Variants in FBXL7 observed in about 807,000 individuals in gnomAD.
The protein encoded by FBXL7 is F-box and leucine rich repeat protein 7.
In FBXL7, 12 loss-of-function variants were observed where a neutral mutation model predicts 38.3. That is an observed-to-expected ratio of 0.31 (90% CI 0.20 to 0.51). FBXL7 has a LOEUF of 0.51. Ranked by LOEUF, FBXL7 falls within the 20% of genes least tolerant of loss-of-function variation. The probability of loss-of-function intolerance (pLI) is 0.98; values close to 1 mark genes in which losing one functional copy is unlikely to be tolerated. For missense variants in FBXL7, 567 were observed against 676.4 expected (o/e 0.84, Z 1.79); for synonymous variants, 297 against 300.9 (o/e 0.99, Z 0.13).
intron 2 of FBXL7, among the ~76,000 whole-genome samples, chr5:15,805,413 G>T (rs1737682702): frequency 6.6e-6 from 1 of 152,102 alleles, no homozygotes; most frequent in African/African-American, 2.4e-5. Context: ...TTTAAATTGG[G>T]TTAACTGTGA....
intron 2 of FBXL7, among the ~76,000 whole-genome samples, chr5:15,867,163 C>T (rs1162772783): frequency 6.6e-6 from 1 of 152,134 alleles, no homozygotes; most frequent in Non-Finnish European, 1.5e-5. Context: ...ACTAAAGTCC[C>T]CTGTTCTCTC....
intron 3 of FBXL7, among the ~76,000 whole-genome samples, chr5:15,931,859 T>C (rs1283042916): frequency 6.6e-6 from 1 of 152,144 alleles, no homozygotes; most frequent in Admixed American, 6.5e-5. Flanking sequence ...TTTTCATTGC[T>C]TAAACTCCAG....
intron 2 of FBXL7, among the ~76,000 whole-genome samples, chr5:15,749,637 G>T (rs1455536381): frequency 2.0e-5 from 3 of 152,032 alleles, no homozygotes; most frequent in Non-Finnish European, 2.9e-5. Flanking sequence ...AAAAAAAAAA[G>T]AAAGTGTGTA....
At chr5:15,833,901 C>T (rs972071402) in intron 2 of FBXL7, among the ~76,000 whole-genome samples, 4 of 152,132 alleles carry the variant, frequency 2.6e-5, no homozygotes, top group African/African-American at 9.7e-5. Context: ...TCATTTGAAA[C>T]ACATATTTAA....
At chr5:15,868,051 C>T (rs1234643889) in intron 2 of FBXL7, among the ~76,000 whole-genome samples, 2 of 148,110 alleles carry the variant, frequency 1.4e-5, no homozygotes, top group Admixed American at 6.9e-5. Context: ...TTGCGGTGAG[C>T]TGAGATTGCG....
At chr5:15,503,630 C>T (rs1736561939) in intron 1 of FBXL7, among the ~76,000 whole-genome samples, 1 of 152,214 alleles carries the variant, frequency 6.6e-6, no homozygotes, top group African/African-American at 2.4e-5. Flanking sequence ...TCTTCTTCCA[C>T]CATGTGGATG....
At chr5:15,581,203 G>A (rs1739128569) in intron 1 of FBXL7, among the ~76,000 whole-genome samples, 2 of 152,126 alleles carry the variant, frequency 1.3e-5, no homozygotes, top group Non-Finnish European at 1.5e-5. Flanking sequence ...TTAATGATCA[G>A]ATCAGCAATT....
At chr5:15,697,290 A>G (rs1271974100) in intron 2 of FBXL7, among the ~76,000 whole-genome samples, 6 of 152,198 alleles carry the variant, frequency 3.9e-5, no homozygotes, top group Non-Finnish European at 1.5e-5. Context: ...TAAAATTACA[A>G]GGTCTAGAAA....
intron 2 of FBXL7, among the ~76,000 whole-genome samples, chr5:15,671,253 T>G (rs527925000): frequency 6.6e-6 from 1 of 152,328 alleles, no homozygotes; most frequent in African/African-American, 2.4e-5. Context: ...TACTGGTTCC[T>G]AAGCTCTTTC....
At chr5:15,504,681 T>TTG (rs900056132) in intron 1 of FBXL7, among the ~76,000 whole-genome samples, 1 of 152,198 alleles carries the variant, frequency 6.6e-6, no homozygotes, top group Non-Finnish European at 1.5e-5. Flanking sequence ...AGGAATTTTT[T>TTG]TGTGTGTGTA....
chr5:15,882,472 T>A (rs1337000809), intron 2 of FBXL7, among the ~76,000 whole-genome samples: 3 of 152,170 alleles, frequency 2.0e-5, no homozygotes, highest in African/African-American at 7.2e-5. Context: ...GTAGCTGACC[T>A]GTCCAAAGTG....
intron 2 of FBXL7, among the ~76,000 whole-genome samples, chr5:15,780,382 C>A (rs1435670362): frequency 6.6e-6 from 1 of 152,084 alleles, no homozygotes; most frequent in Non-Finnish European, 1.5e-5. Context: ...ACTTTGCAAG[C>A]TGATCAAACT....
At chr5:15,717,106 A>G (rs1300812847) in intron 2 of FBXL7, among the ~76,000 whole-genome samples, 1 of 152,198 alleles carries the variant, frequency 6.6e-6, no homozygotes, top group Non-Finnish European at 1.5e-5. Context: ...ATTATCTTCA[A>G]AGACTTACAG....
At chr5:15,625,161 A>T (rs185178541) in intron 2 of FBXL7, among the ~76,000 whole-genome samples, 40 of 152,340 alleles carry the variant, frequency 2.6e-4, no homozygotes, top group African/African-American at 9.1e-4. Context: ...CAGTTATGGA[A>T]GGCAAATATT....
chr5:15,821,026 T>C (rs539023201), intron 2 of FBXL7, among the ~76,000 whole-genome samples: 1 of 152,310 alleles, frequency 6.6e-6, no homozygotes, highest in East Asian at 1.9e-4. Flanking sequence ...CCTACTGCAG[T>C]ACTGTCTTCC....
chr5:15,628,853 A>C (rs1740904985), intron 2 of FBXL7, among the ~76,000 whole-genome samples: 1 of 152,106 alleles, frequency 6.6e-6, no homozygotes, highest in Non-Finnish European at 1.5e-5. Context: ...CTGTACCTCC[A>C]ACATTATATT....
At chr5:15,876,827 T>C (rs1414717078) in intron 2 of FBXL7, among the ~76,000 whole-genome samples, 3 of 152,198 alleles carry the variant, frequency 2.0e-5, no homozygotes, top group African/African-American at 4.8e-5. Flanking sequence ...ACATGATGCC[T>C]GATAGTTTGC....
chr5:15,598,337 A>G (rs1739686126), intron 1 of FBXL7, among the ~76,000 whole-genome samples: 2 of 152,206 alleles, frequency 1.3e-5, no homozygotes, highest in South Asian at 2.1e-4. Context: ...TACTTATTCA[A>G]CCTTTCATAG....
intron 2 of FBXL7, among the ~76,000 whole-genome samples, chr5:15,627,565 A>C (rs1055775831): frequency 2.0e-5 from 3 of 152,174 alleles, no homozygotes; most frequent in African/African-American, 7.2e-5. Context: ...GCGTGGCCAC[A>C]GTGTTCTTTG....
Sources: allele counts gnomAD v4.1 joint callset (sites outside exome capture counted in the v4.1 genomes callset), GRCh38; gene constraint gnomAD v4.1.1; transcripts MANE v1.5; gene names NCBI Gene and HGNC (gene_info 2026-07-23, HGNC 2026-07-21).